Variants in KIF21A observed in about 807,000 individuals in gnomAD.
The protein encoded by KIF21A is kinesin family member 21A.
KIF21A carries 114 observed loss-of-function variants against 202.9 expected under a neutral mutation model. That is an observed-to-expected ratio of 0.56 (90% CI 0.48 to 0.66). KIF21A has a LOEUF of 0.66. Ranked by LOEUF, KIF21A falls within the 30% of genes least tolerant of loss-of-function variation. The probability of loss-of-function intolerance (pLI) is 0.00; values close to 1 mark genes in which losing one functional copy is unlikely to be tolerated. For missense variants in KIF21A, 1,677 were observed against 1,994.9 expected (o/e 0.84, Z 3.04); for synonymous variants, 667 against 670.8 (o/e 0.99, Z 0.09).
At position 39,416,659 on chromosome 12, in the gene KIF21A, G is replaced by A. The variant is rs11503652; in HGVS notation, c.44+26268C>T. 1.8e-5 allele frequency among the ~76,000 whole-genome samples: 2 copies of A among 111,058 alleles called. 1 individual carries two copies. The highest frequency in any genetic ancestry group is 3.6e-5 in the Non-Finnish European group (2 of 55,088). The allele number at this position is 111,058 out of a possible 152,430, so 72.9% of individuals were successfully genotyped here. A position where few individuals can be genotyped will look rare whatever the true frequency, so the allele number is the denominator to read the frequency against. ...TATATATATATGTACATATATATGT[G>A]TATATATATATGTACATATATATGT... is the stretch of plus-strand genomic sequence containing the variant. On this transcript the variant is annotated intron_variant, in intron 1 of 37. Transcript: ENST00000361418.
intron 1 of KIF21A, among the ~76,000 whole-genome samples, chr12:39,426,759 T>C (rs1405049248): frequency 2.0e-5 from 3 of 149,598 alleles, no homozygotes; most frequent in African/African-American, 4.9e-5. Flanking sequence ...TGGTGGATGC[T>C]GGTAATCCCA....
In KIF21A at chr12:39,443,025, G is replaced by C. The variant is rs1939883253; in HGVS notation, c.-55C>G. 6.7e-7 allele frequency: 1 copy of C among 1,487,992 alleles called. No homozygotes were observed. Among genetic ancestry groups the C allele is most frequent in the East Asian group, 2.8e-5 (1 of 35,944 alleles). The allele number at this position is 1,487,992 out of a possible 1,614,324, so 92.2% of individuals were successfully genotyped here. On this transcript the variant is annotated 5_prime_UTR_variant, in exon 1 of 38. Coordinates refer to ENST00000361418, the MANE Select transcript of KIF21A (RefSeq NM_001173464.2). ...GGCCTCGGCACCGCAGAGCTGAGGC[G>C]CCACTGGGGCCGCGGGACTCGGGCG...
chr12:39,405,589 G>A (rs1952517730), intron 1 of KIF21A, among the ~76,000 whole-genome samples: 1 of 152,122 alleles, frequency 6.6e-6, no homozygotes, highest in South Asian at 2.1e-4. Flanking sequence ...ATAAAGCACT[G>A]TTAAAAAGCT....
At chr12:39,371,044 T>C (rs1205717191) in intron 1 of KIF21A, among the ~76,000 whole-genome samples, 2 of 152,180 alleles carry the variant, frequency 1.3e-5, no homozygotes, top group African/African-American at 4.8e-5. Flanking sequence ...AGATCACTTA[T>C]AATACCTAAT....
rs1949345213 is a variant in KIF21A at position 39,362,996 on chromosome 12, T to TA, written c.1019+101dup. The TA allele has an allele frequency of 9.2e-6, 7 of 761,560 alleles. No homozygotes were observed. The Admixed American group carries it at 1.3e-4, about 14-fold the overall frequency. The allele number at this position is 761,560 out of a possible 1,614,324, so 47.2% of individuals were successfully genotyped here. A position where few individuals can be genotyped will look rare whatever the true frequency, so the allele number is the denominator to read the frequency against. ...TATAAGGATTAGTTCCTCATCCTAT[T>TA]AGTTTGCTTTGCAATAAAAGTAGTT... On this transcript the variant is annotated intron_variant, in intron 7 of 37. Coordinates refer to ENST00000361418, the MANE Select transcript of KIF21A (RefSeq NM_001173464.2).
At position 39,368,118 on chromosome 12, in the gene KIF21A, T is replaced by C. The variant is rs1479063322; in HGVS notation, c.451-86A>G. 8.6e-6 allele frequency: 7 copies of C among 810,480 alleles called. No individual in the cohort carries two copies. In the East Asian group the frequency reaches 9.9e-5, roughly 11 times the overall value. The allele number at this position is 810,480 out of a possible 1,614,324, so 50.2% of individuals were successfully genotyped here. A position where few individuals can be genotyped will look rare whatever the true frequency, so the allele number is the denominator to read the frequency against. On this transcript the variant is annotated intron_variant, in intron 3 of 37. Transcript: ENST00000361418. Reference sequence around the variant, plus strand: ...AACACATTACATAATGATTCCTTCATACAGATTTTTAAAGTATTTCAAAAT... The same window carrying C: ...AACACATTACATAATGATTCCTTCACACAGATTTTTAAAGTATTTCAAAAT...
At position 39,303,098 on chromosome 12, in the gene KIF21A, C is replaced by T; in HGVS notation, c.4598G>A (p.Ser1533Asn). 6.2e-7 allele frequency: 1 copy of T among 1,614,030 alleles called. No homozygotes were observed. Among genetic ancestry groups the T allele is most frequent in the African/African-American group, 1.3e-5 (1 of 75,024 alleles). ...AGGGGGTTCAAAATTGTGGGTGGGACTCACAGTCCCAAGAGCTCCTTCTGT... is the reference window on the plus strand; with the variant it reads ...AGGGGGTTCAAAATTGTGGGTGGGATTCACAGTCCCAAGAGCTCCTTCTGT... ...DVTEGALGTV[S>N]PTHNFEPPHY... Residue 1533 changes from serine (S) to asparagine (N), a missense_variant, in exon 36 of 38, where the codon AGT becomes AAT. Ser to Asn is a conservative substitution (Grantham distance 46). Coordinates refer to ENST00000361418, the MANE Select transcript of KIF21A (RefSeq NM_001173464.2).
intron 31 of KIF21A, chr12:39,312,152 G>T (rs1944091216): frequency 6.5e-6 from 1 of 153,108 alleles, no homozygotes; most frequent in Non-Finnish European, 1.5e-5. Flanking sequence ...AATGGATAAA[G>T]AAAATGTACA....
intron 1 of KIF21A, among the ~76,000 whole-genome samples, chr12:39,397,484 G>C (rs150599212): frequency 0.012 from 1,880 of 151,452 alleles, 15 homozygotes; most frequent in Non-Finnish European, 0.019. Flanking sequence ...TTTTTCCACA[G>C]TACTTACCAC....
At chr12:39,430,626 T>G (rs998742237) in intron 1 of KIF21A, among the ~76,000 whole-genome samples, 1 of 152,080 alleles carries the variant, frequency 6.6e-6, no homozygotes, top group Non-Finnish European at 1.5e-5. Flanking sequence ...CATTAATATA[T>G]TTTATACCAT....
intron 1 of KIF21A, among the ~76,000 whole-genome samples, chr12:39,408,464 T>C (rs1952792291): frequency 6.6e-6 from 1 of 152,016 alleles, no homozygotes. Context: ...CCACAGACTG[T>C]TACCAGTCTG....
Position 39,294,331 on chromosome 12 carries a change from T to C in KIF21A, c.*93A>G, listed in dbSNP as rs955239387. 7.9e-6 allele frequency: 7 copies of C among 881,412 alleles called. No homozygotes were observed. The highest frequency in any genetic ancestry group is 1.3e-5 in the Non-Finnish European group (7 of 520,000). 54.6% of individuals were successfully genotyped at this position (881,412 alleles called of 1,614,324 possible). A position where few individuals can be genotyped will look rare whatever the true frequency, so the allele number is the denominator to read the frequency against. On this transcript the variant is annotated 3_prime_UTR_variant, in exon 38 of 38. Coordinates refer to ENST00000361418, the MANE Select transcript of KIF21A (RefSeq NM_001173464.2). ...TATATTTTCCAGTTAATCCGATTCA[T>C]ACGTTTTGCCTAGTAAGTACAGGAC...
intron 1 of KIF21A, among the ~76,000 whole-genome samples, chr12:39,381,320 A>G (rs1950601120): frequency 6.6e-6 from 1 of 151,854 alleles, no homozygotes; most frequent in African/African-American, 2.4e-5. Flanking sequence ...AAAAAAAAAA[A>G]AAAAACTATT....
chr12:39,329,703 G>C (rs1019810649), intron 24 of KIF21A, among the ~76,000 whole-genome samples: 7 of 152,136 alleles, frequency 4.6e-5, no homozygotes, highest in African/African-American at 1.4e-4. Flanking sequence ...TATAATGCCA[G>C]GTACTTGAAT....
chr12:39,409,599 T>A (rs969093744), intron 1 of KIF21A, among the ~76,000 whole-genome samples: 2 of 151,834 alleles, frequency 1.3e-5, no homozygotes, highest in African/African-American at 4.8e-5. Flanking sequence ...AACAGAATTG[T>A]GATAATAATA....
intron 1 of KIF21A, among the ~76,000 whole-genome samples, chr12:39,412,814 C>T (rs1490878874): frequency 6.6e-6 from 1 of 152,128 alleles, no homozygotes; most frequent in South Asian, 2.1e-4. Flanking sequence ...TTTTGAACTA[C>T]CTGAGTCCCA....
At chr12:39,386,347 A>G (rs1418534854) in intron 1 of KIF21A, among the ~76,000 whole-genome samples, 1 of 152,204 alleles carries the variant, frequency 6.6e-6, no homozygotes, top group Middle Eastern at 3.2e-3. Context: ...TCAATAAGAT[A>G]GAAAGATCCC....
chr12:39,405,056 T>C (rs1298099354), intron 1 of KIF21A, among the ~76,000 whole-genome samples: 1 of 152,060 alleles, frequency 6.6e-6, no homozygotes, highest in Non-Finnish European at 1.5e-5. Flanking sequence ...ATTCATGTGG[T>C]AAAAATATAC....
chr12:39,343,017 T>C (rs1947573677), intron 12 of KIF21A, among the ~76,000 whole-genome samples: 1 of 152,182 alleles, frequency 6.6e-6, no homozygotes, highest in African/African-American at 2.4e-5. Context: ...TAGACTCACA[T>C]ATTTAATTAA....
Sources: gnomAD v4.1 joint callset for allele counts (sites outside exome capture counted in the v4.1 genomes callset) on GRCh38, gnomAD v4.1.1 for gene constraint, MANE v1.5 for transcripts, NCBI Gene and HGNC (gene_info 2026-07-23, HGNC 2026-07-21) for gene names.